CDYL: variants seen among roughly 807,000 people sequenced by gnomAD.
CDYL encodes chromodomain Y-like protein.
CDYL carries 8 observed loss-of-function variants against 47.3 expected under a neutral mutation model. That is an observed-to-expected ratio of 0.17 (90% confidence interval 0.10 to 0.31). The LOEUF (loss-of-function observed/expected upper bound fraction) is 0.31, where lower values mean the gene tolerates loss of function less well. CDYL is among the 10% of genes least tolerant of loss of function. CDYL has a pLI of 1.00. For synonymous variants in CDYL, 266 were observed against 265.0 expected (o/e 1.00, Z -0.04); for missense variants, 471 against 701.4 (o/e 0.67, Z 3.71).
At chr6:4,921,460 C>G (rs1757715130) in intron 2 of CDYL, among the ~76,000 whole-genome samples, 1 of 152,146 alleles carries the variant, frequency 6.6e-6, no homozygotes, top group Non-Finnish European at 1.5e-5. Context: ...TACAACAGCT[C>G]TTGATCTTTT....
At chr6:4,748,390 TAAAG>T (rs1043631663) in intron 3 of CDYL, among the ~76,000 whole-genome samples, 23 of 151,792 alleles carry the variant, frequency 1.5e-4, no homozygotes, top group Admixed American at 9.2e-4. Context: ...GAAAAAAACA[TAAAG>T]GATACATACT....
At chr6:4,751,429 T>G (rs536843981) in intron 3 of CDYL, among the ~76,000 whole-genome samples, 3 of 152,354 alleles carry the variant, frequency 2.0e-5, no homozygotes, top group South Asian at 4.1e-4. Flanking sequence ...CCTTCAGTCT[T>G]TCAAAAGTGT....
At position 4,749,774 on chromosome 6, in the gene CDYL, G is replaced by A. The variant is rs147292761; in HGVS notation, c.186+14930G>A. Among the ~76,000 whole-genome samples the A allele has an allele frequency of 5.7e-3, 870 of 152,254 alleles. 6 individuals are homozygous for A. The highest frequency in any genetic ancestry group is 0.02 in the African/African-American group (823 of 41,546). On this transcript the variant is annotated intron_variant, in intron 3 of 8. Coordinates refer to the CDYL transcript ENST00000328908. ...AATACAGGAAAACAATGTGTTAAACGCCAGGTGACTATTCTTGCAGATAAG... is the reference window on the plus strand; with the variant it reads ...AATACAGGAAAACAATGTGTTAAACACCAGGTGACTATTCTTGCAGATAAG...
intron 2 of CDYL, among the ~76,000 whole-genome samples, chr6:4,721,292 T>C (rs775342418): frequency 7.2e-5 from 11 of 152,196 alleles, no homozygotes; most frequent in Non-Finnish European, 1.5e-4. Flanking sequence ...ATTGAATGTA[T>C]TTTGCTAATC....
At chr6:4,897,058 C>T (rs765007059) in intron 2 of CDYL, among the ~76,000 whole-genome samples, 6 of 152,206 alleles carry the variant, frequency 3.9e-5, no homozygotes, top group Non-Finnish European at 5.9e-5. Context: ...AGCTAGCTGT[C>T]TTCTTTCTCT....
chr6:4,943,894 GTTC>G (rs1758436616), intron 5 of CDYL, 138 bp downstream of exon 5: 2 of 631,490 alleles, frequency 3.2e-6, no homozygotes, highest in East Asian at 5.6e-5. Flanking sequence ...TCAGATTTGG[GTTC>G]ATAGACGTTG....
At chr6:4,880,300 G>T (rs989773482) in intron 1 of CDYL, among the ~76,000 whole-genome samples, 2 of 152,058 alleles carry the variant, frequency 1.3e-5, no homozygotes, top group Admixed American at 6.6e-5. Context: ...TTTCAGATGG[G>T]CGTCTTTTAC....
intron 1 of CDYL, among the ~76,000 whole-genome samples, chr6:4,845,692 C>G (rs1047920520): frequency 6.6e-6 from 1 of 152,106 alleles, no homozygotes; most frequent in African/African-American, 2.4e-5. Flanking sequence ...ATGAGTGTGG[C>G]TATATACCAA....
intron 4 of CDYL, among the ~76,000 whole-genome samples, chr6:4,938,971 A>G (rs1422041692): frequency 6.6e-6 from 1 of 152,226 alleles, no homozygotes; most frequent in African/African-American, 2.4e-5. Flanking sequence ...GATGAAACCT[A>G]GTCATCAACA....
chr6:4,713,107 G>A (rs569212812), intron 1 of CDYL, among the ~76,000 whole-genome samples: 14 of 152,290 alleles, frequency 9.2e-5, no homozygotes, highest in Admixed American at 7.2e-4. Flanking sequence ...ACCACATGAG[G>A]GGGTCGAGCA....
intron 2 of CDYL, among the ~76,000 whole-genome samples, chr6:4,905,197 T>C (rs747892234): frequency 6.6e-6 from 1 of 152,084 alleles, no homozygotes; most frequent in Non-Finnish European, 1.5e-5. Context: ...CTGACACAAG[T>C]GAGTTTGCGC....
chr6:4,786,310 C>G (rs1758755309), intron 1 of CDYL, among the ~76,000 whole-genome samples: 1 of 152,146 alleles, frequency 6.6e-6, no homozygotes, highest in Admixed American at 6.5e-5. Flanking sequence ...GAGCTCTTCT[C>G]CAGAGATCCT....
chr6:4,868,905 T>C (rs1761396638), intron 1 of CDYL, among the ~76,000 whole-genome samples: 1 of 152,230 alleles, frequency 6.6e-6, no homozygotes, highest in Non-Finnish European at 1.5e-5. Context: ...TGTTTCTCTT[T>C]GTCTGTAGTA....
intron 2 of CDYL, among the ~76,000 whole-genome samples, chr6:4,911,880 C>T (rs532576616): frequency 5.3e-5 from 8 of 152,208 alleles, no homozygotes; most frequent in African/African-American, 1.9e-4. Flanking sequence ...AAAGTTGAGT[C>T]AAAGAAAATG....
Position 4,712,550 on chromosome 6 carries a change from C to A in CDYL, c.-38-3191C>A, listed in dbSNP as rs150243816. ...GGGCCACCTCCCACCCGGGCACAAG[C>A]CGAAGGACACTTGTGACAGGACAGC... On this transcript the variant is annotated intron_variant, in intron 1 of 8. Coordinates refer to the CDYL transcript ENST00000328908. Among the ~76,000 whole-genome samples, 506 of 152,302 alleles carry A rather than the reference C, an allele frequency of 3.3e-3. 3 individuals carry two copies. The highest frequency in any genetic ancestry group is 0.012 in the African/African-American group (485 of 41,568).
rs116088614 is a variant in CDYL, at chr6:4,896,885, A to T, written c.691+4506A>T. On this transcript the variant is annotated intron_variant, in intron 2 of 6. Coordinates refer to ENST00000397588, the MANE Select transcript of CDYL (RefSeq NM_004824.4). ...AACCACAGATATTTGAATATCTGTG[A>T]ACCCAAAGAATGAATGTTTCTGGAG... is the stretch of plus-strand genomic sequence containing the variant. 4.6e-3 allele frequency among the ~76,000 whole-genome samples: 708 copies of T among 152,332 alleles called. 2 individuals carry two copies. Among genetic ancestry groups the T allele is most frequent in the Non-Finnish European group, 8.3e-3 (567 of 68,036 alleles).
At chr6:4,835,394 T>C (rs1172898033) in intron 1 of CDYL, among the ~76,000 whole-genome samples, 2 of 152,206 alleles carry the variant, frequency 1.3e-5, no homozygotes, top group Non-Finnish European at 2.9e-5. Flanking sequence ...TGGTTTATCA[T>C]GAACCACGAA....
At chr6:4,950,931 C>CA (rs11434312) in intron 5 of CDYL, among the ~76,000 whole-genome samples, 86,130 of 124,192 alleles carry the variant, frequency 0.69, 29,486 homozygotes, top group East Asian at 0.9. Flanking sequence ...GACTCCGTCT[C>CA]AAAAAAAAAA....
chr6:4,931,560 G>C (rs555573000), intron 2 of CDYL, among the ~76,000 whole-genome samples: 68 of 152,282 alleles, frequency 4.5e-4, no homozygotes, highest in African/African-American at 1.6e-3. Context: ...TGGCATGATT[G>C]TCTTGAGTAG....
Sources: gnomAD v4.1 joint callset for allele counts (sites outside exome capture counted in the v4.1 genomes callset) on GRCh38, gnomAD v4.1.1 for gene constraint, MANE v1.5 for transcripts, NCBI Gene and HGNC (gene_info 2026-07-23, HGNC 2026-07-21) for gene names.